Variants in AFF2 observed in about 807,000 individuals in gnomAD.
AFF2 encodes the protein AF4/FMR2 family member 2.
AFF2 carries 14 observed loss-of-function variants against 76.9 expected under a neutral mutation model. The ratio of observed to expected loss-of-function variants is 0.18; its 90% CI spans 0.12 to 0.28. The LOEUF is 0.28. AFF2 is among the 10% of genes least tolerant of loss of function. AFF2 has a pLI of 1.00. For synonymous variants in AFF2, 398 were observed against 366.7 expected (o/e 1.09, Z -0.98); for missense variants, 868 against 1,001.1 (o/e 0.87, Z 1.79).
At chrX:148,596,342 C>T (rs1717558568) in intron 1 of AFF2, among the ~76,000 whole-genome samples, 1 of 111,780 alleles carries the variant, frequency 8.9e-6, no homozygotes, top group African/African-American at 3.3e-5. Context: ...ACAAGAGCGC[C>T]GCCCGCCTCC....
chrX:148,581,361 T>TACGTATACGTGTACACACATATAC (rs1557244836), intron 1 of AFF2, among the ~76,000 whole-genome samples: 110 of 3,825 alleles, frequency 0.029, 26 homozygotes, highest in African/African-American at 0.07. Context: ...CACACATATA[T>TACGTATACGTGTACACACATATAC]ACGTATACGT....
chrX:148,915,072 G>A (rs73612097), intron 9 of AFF2, among the ~76,000 whole-genome samples: 7,957 of 111,838 alleles, frequency 0.071, 702 homozygotes, highest in African/African-American at 0.24. Context: ...CTACAGAAAT[G>A]ACTCATTTTG....
intron 1 of AFF2, among the ~76,000 whole-genome samples, chrX:148,510,599 C>A (rs1557233016): frequency 8.9e-6 from 1 of 111,880 alleles, no homozygotes; most frequent in Non-Finnish European, 1.9e-5. Flanking sequence ...AAATATGAGG[C>A]ATGACTTTCC....
At chrX:148,581,101 A>C (rs2053363134) in intron 1 of AFF2, among the ~76,000 whole-genome samples, 1 of 102,319 alleles carries the variant, frequency 9.8e-6, no homozygotes, top group Admixed American at 1.0e-4. Flanking sequence ...GTATATGTAT[A>C]TATACACATA....
chrX:148,529,390 T>A (rs2052703039), intron 1 of AFF2, among the ~76,000 whole-genome samples: 1 of 112,159 alleles, frequency 8.9e-6, no homozygotes, highest in African/African-American at 3.2e-5. Flanking sequence ...TTTGTTCCTA[T>A]GCAATGGGGC....
intron 8 of AFF2, among the ~76,000 whole-genome samples, chrX:148,890,874 C>T (rs185075872): frequency 9.0e-4 from 101 of 112,267 alleles, no homozygotes; most frequent in African/African-American, 3.1e-3. Flanking sequence ...TTGAAGTTGA[C>T]ATTAGACATT....
At chrX:148,919,295 G>A (rs1003059612) in intron 9 of AFF2, among the ~76,000 whole-genome samples, 20 of 110,807 alleles carry the variant, frequency 1.8e-4, no homozygotes, top group South Asian at 1.2e-3. Context: ...TTCCCAGTGG[G>A]CATAAGAGAT....
intron 15 of AFF2, among the ~76,000 whole-genome samples, chrX:148,968,351 A>C (rs1236264948): frequency 9.0e-6 from 1 of 111,548 alleles, no homozygotes; most frequent in Non-Finnish European, 1.9e-5. Flanking sequence ...ATCACATTGA[A>C]AGCTTTAGAA....
chrX:148,930,149 G>A (rs1309615616), intron 9 of AFF2, among the ~76,000 whole-genome samples: 2 of 112,126 alleles, frequency 1.8e-5, no homozygotes, highest in Admixed American at 1.9e-4. Flanking sequence ...AAGAGAGGAT[G>A]TTCTTTGTCC....
chrX:148,526,303 T>G (rs1453426610), intron 1 of AFF2, among the ~76,000 whole-genome samples: 4 of 110,197 alleles, frequency 3.6e-5, no homozygotes, highest in Non-Finnish European at 7.6e-5. Context: ...AGAAGTCCTG[T>G]GTACTTTTAT....
intron 3 of AFF2, among the ~76,000 whole-genome samples, chrX:148,691,073 T>C (rs1434795919): frequency 8.9e-6 from 1 of 111,849 alleles, no homozygotes; most frequent in Non-Finnish European, 1.9e-5. Flanking sequence ...TCTGAGGTAG[T>C]GGATGTTAGG....
chrX:148,994,262 T>C lies in AFF2; in HGVS notation c.*2930T>C, dbSNP rs1256113458. 4 of 112,168 alleles carry C rather than the reference T, an allele frequency of 3.6e-5. No individual in the cohort carries two copies. Among genetic ancestry groups the C allele is most frequent in the African/African-American group, 1.3e-4 (4 of 30,756 alleles). 9.2% of individuals were successfully genotyped at this position (112,168 alleles called of 1,213,427 possible). On this transcript the variant is annotated 3_prime_UTR_variant, in exon 21 of 21. Coordinates refer to ENST00000370460, the MANE Select transcript of AFF2 (RefSeq NM_002025.4). Reference sequence around the variant, plus strand: ...CCAACCACAGAGAGTTTGACAAGTTTGTGTTATGATGTTGGCTTGGCTTTG... The same window carrying C: ...CCAACCACAGAGAGTTTGACAAGTTCGTGTTATGATGTTGGCTTGGCTTTG...
chrX:148,593,170 C>T (rs1338463103), intron 1 of AFF2, among the ~76,000 whole-genome samples: 2 of 112,123 alleles, frequency 1.8e-5, no homozygotes, highest in African/African-American at 6.5e-5. Context: ...AGAAGCTGTG[C>T]ATTCTCTAAA....
At chrX:148,888,198 C>T (rs782539309) in intron 8 of AFF2, among the ~76,000 whole-genome samples, 4 of 111,104 alleles carry the variant, frequency 3.6e-5, no homozygotes. Flanking sequence ...TCCCCCTCCC[C>T]CTAACCCCGA....
chrX:148,962,181 G>T (rs782248406), intron 12 of AFF2, among the ~76,000 whole-genome samples: 21 of 112,722 alleles, frequency 1.9e-4, no homozygotes, highest in Non-Finnish European at 3.6e-4. Context: ...TATACAATTT[G>T]CAATGTATGT....
intron 3 of AFF2, among the ~76,000 whole-genome samples, chrX:148,727,193 A>T (rs1035881620): frequency 9.1e-5 from 10 of 109,479 alleles, no homozygotes; most frequent in Admixed American, 5.9e-4. Flanking sequence ...AGATGGACAA[A>T]TTTTTTTTTT....
chrX:148,900,664 C>T (rs1277901447), intron 8 of AFF2, among the ~76,000 whole-genome samples: 5 of 110,868 alleles, frequency 4.5e-5, no homozygotes, highest in African/African-American at 1.6e-4. Flanking sequence ...GAAGGAGGGG[C>T]TACTAAAGGA....
chrX:148,678,646 T>G lies in AFF2; in HGVS notation c.1041+15878T>G, dbSNP rs138969473. On this transcript the variant is annotated intron_variant, in intron 3 of 20. Coordinates refer to ENST00000370460, the MANE Select transcript of AFF2 (RefSeq NM_002025.4). ...TTGCATCAAAAATAATCAAGTGCAGTGTGGAACTTGGCCATTTTCCATAAC... is the reference window on the plus strand; with the variant it reads ...TTGCATCAAAAATAATCAAGTGCAGGGTGGAACTTGGCCATTTTCCATAAC... Among the ~76,000 whole-genome samples, 627 of 112,009 alleles carry G rather than the reference T, an allele frequency of 5.6e-3. 2 individuals are homozygous for G. The highest frequency in any genetic ancestry group is 8.8e-3 in the Non-Finnish European group (465 of 53,103).
In AFF2 at chrX:148,784,617, A is replaced by T. The variant is rs191826869; in HGVS notation, c.1042-25259A>T. 4.5e-5 allele frequency among the ~76,000 whole-genome samples: 5 copies of T among 111,650 alleles called. No homozygotes were observed. The East Asian group carries it at 1.4e-3, about 32-fold the overall frequency. On this transcript the variant is annotated intron_variant, in intron 3 of 20. Coordinates refer to ENST00000370460, the MANE Select transcript of AFF2 (RefSeq NM_002025.4). ...TTCTCACTGAGTACTGTTCCTTGTA[A>T]TAATAAAATTAATTTGACCATTTGG...
Sources: gnomAD v4.1 joint callset for allele counts (sites outside exome capture counted in the v4.1 genomes callset) on GRCh38, gnomAD v4.1.1 for gene constraint, MANE v1.5 for transcripts, NCBI Gene and HGNC (gene_info 2026-07-23, HGNC 2026-07-21) for gene names.